Variants in CNTNAP2 observed in about 807,000 individuals in gnomAD.
CNTNAP2 encodes contactin associated protein 2, also known as contactin-associated protein-like 2.
In CNTNAP2, 98 loss-of-function variants were observed where a neutral mutation model predicts 155.2. The ratio of observed to expected loss-of-function variants is 0.63; its 90% CI spans 0.54 to 0.75. The LOEUF is 0.75. Among genes scored for constraint, CNTNAP2 ranks in the 30% least tolerant of loss-of-function variants. The probability of loss-of-function intolerance (pLI) is 0.00; values close to 1 mark genes in which losing one functional copy is unlikely to be tolerated. For synonymous variants in CNTNAP2, 651 were observed against 631.2 expected (o/e 1.03, Z -0.47); for missense variants, 1,727 against 1,688.1 (o/e 1.02, Z -0.40).
chr7:147,842,367 G>A (rs969399923), intron 13 of CNTNAP2, among the ~76,000 whole-genome samples: 14 of 152,256 alleles, frequency 9.2e-5, no homozygotes, highest in Admixed American at 6.5e-4. Flanking sequence ...AGCCAGTTCT[G>A]TGAATCACAG....
Position 146,613,930 on chromosome 7 carries a change from G to T in CNTNAP2, c.98-160341G>T, listed in dbSNP as rs193173238. Among the ~76,000 whole-genome samples the T allele has an allele frequency of 3.3e-5, 5 of 152,228 alleles. No homozygotes were observed. In the East Asian group the frequency reaches 9.6e-4, roughly 29 times the overall value. ...AGTGAATATATCCTTGAAATATTTA[G>T]CAGTAAATAAAAATAAGTAATTTAT... On this transcript the variant is annotated intron_variant, in intron 1 of 23. Transcript: ENST00000361727.
chr7:147,669,832 C>G (rs780822019), intron 13 of CNTNAP2, among the ~76,000 whole-genome samples: 1 of 152,194 alleles, frequency 6.6e-6, no homozygotes, highest in Admixed American at 6.5e-5. Flanking sequence ...TGGACTCCCC[C>G]CTAATATTTA....
At chr7:147,903,847 C>A in intron 14 of CNTNAP2, 126 bp downstream of exon 14, 2 of 1,191,564 alleles carry the variant, frequency 1.7e-6, no homozygotes, top group Non-Finnish European at 2.4e-6. Flanking sequence ...AGGTCTGGAA[C>A]TAACCCAACT....
chr7:146,330,848 G>A (rs1052415792), intron 1 of CNTNAP2, among the ~76,000 whole-genome samples: 3 of 152,078 alleles, frequency 2.0e-5, no homozygotes, highest in African/African-American at 7.2e-5. Context: ...TTACATGTCC[G>A]GGCCAGTACA....
chr7:146,443,420 T>C (rs1302957504), intron 1 of CNTNAP2, among the ~76,000 whole-genome samples: 1 of 151,932 alleles, frequency 6.6e-6, no homozygotes, highest in Non-Finnish European at 1.5e-5. Context: ...ACCCCTTTCA[T>C]TCATACCACT....
At chr7:146,860,850 A>G (rs1170104998) in intron 3 of CNTNAP2, among the ~76,000 whole-genome samples, 1 of 152,102 alleles carries the variant, frequency 6.6e-6, no homozygotes, top group African/African-American at 2.4e-5. Flanking sequence ...GAATAATAAT[A>G]ACCTCCTTTG....
At position 147,775,376 on chromosome 7, in the gene CNTNAP2, T is replaced by C. The variant is rs1450130113; in HGVS notation, c.2099-128189T>C. On this transcript the variant is annotated intron_variant, in intron 13 of 23. Coordinates refer to ENST00000361727, the MANE Select transcript of CNTNAP2 (RefSeq NM_014141.6). ...ATATATATTTATAAATATATATATA[T>C]TTATATATATTTATAAATATATATA... Among the ~76,000 whole-genome samples, 45 of 91,988 alleles carry C rather than the reference T, an allele frequency of 4.9e-4. 5 individuals are homozygous for C. In the East Asian group the frequency reaches 5.1e-3, roughly 10 times the overall value. The allele number at this position is 91,988 out of a possible 152,430, so 60.3% of individuals were successfully genotyped here.
intron 10 of CNTNAP2, among the ~76,000 whole-genome samples, chr7:147,433,409 G>A (rs1033448258): frequency 2.0e-5 from 3 of 152,134 alleles, no homozygotes; most frequent in East Asian, 1.9e-4. Context: ...AGTTCATTTG[G>A]TCACAGCGTG....
intron 1 of CNTNAP2, among the ~76,000 whole-genome samples, chr7:146,248,175 C>T (rs1275566093): frequency 3.3e-5 from 5 of 151,502 alleles, no homozygotes; most frequent in Non-Finnish European, 5.9e-5. Context: ...GGTCCGGGTG[C>T]GGAAATAAGG....
intron 8 of CNTNAP2, among the ~76,000 whole-genome samples, chr7:147,238,237 C>G (rs757636903): frequency 2.0e-5 from 3 of 152,042 alleles, no homozygotes; most frequent in Non-Finnish European, 4.4e-5. Context: ...GGATGGTCTC[C>G]ATCTCCTGAC....
At chr7:147,451,178 T>C (rs1359097584) in intron 10 of CNTNAP2, among the ~76,000 whole-genome samples, 1 of 152,166 alleles carries the variant, frequency 6.6e-6, no homozygotes, top group East Asian at 1.9e-4. Flanking sequence ...CCTTACATGA[T>C]TGCAGAACAC....
rs191888955 is a variant in CNTNAP2 at position 148,157,098 on chromosome 7, C to A, written c.2773+9389C>A. Among the ~76,000 whole-genome samples the A allele has an allele frequency of 1.2e-4, 19 of 152,316 alleles. No individual in the cohort carries two copies. In the East Asian group the frequency reaches 3.5e-3, roughly 28 times the overall value. On this transcript the variant is annotated intron_variant, in intron 17 of 23. Transcript: ENST00000361727. ...TGCCACACACTGAGTAACATCCTTGCCATTTACATAGGGTGCATACTGAGT... is the reference window on the plus strand; with the variant it reads ...TGCCACACACTGAGTAACATCCTTGACATTTACATAGGGTGCATACTGAGT...
At chr7:147,382,674 A>T (rs969951975) in intron 9 of CNTNAP2, among the ~76,000 whole-genome samples, 4 of 152,086 alleles carry the variant, frequency 2.6e-5, no homozygotes, top group Non-Finnish European at 5.9e-5. Flanking sequence ...AGTTGAAGCA[A>T]TGGCTTTGGA....
At chr7:147,700,073 T>G (rs561428884) in intron 13 of CNTNAP2, among the ~76,000 whole-genome samples, 35 of 152,324 alleles carry the variant, frequency 2.3e-4, no homozygotes, top group African/African-American at 7.0e-4. Context: ...TTCATAGCCT[T>G]TCTTTGCTTT....
chr7:146,644,231 C>T (rs1232395411), intron 1 of CNTNAP2, among the ~76,000 whole-genome samples: 1 of 152,116 alleles, frequency 6.6e-6, no homozygotes. Context: ...CTGTCTTGTG[C>T]CCGTTTTCAA....
intron 1 of CNTNAP2, among the ~76,000 whole-genome samples, chr7:146,186,803 T>C (rs901528472): frequency 2.0e-5 from 3 of 152,196 alleles, no homozygotes; most frequent in Non-Finnish European, 2.9e-5. Flanking sequence ...TCCTTTATTT[T>C]TGGAACCAAT....
At position 147,509,377 on chromosome 7, in the gene CNTNAP2, A is replaced by G. The variant is rs189848438; in HGVS notation, c.1777+23336A>G. ...ACAGGACTGATGCAATAGTTATTCAACAAATGCTTGTCATATAATGAATGG... is the reference window on the plus strand; with the variant it reads ...ACAGGACTGATGCAATAGTTATTCAGCAAATGCTTGTCATATAATGAATGG... On this transcript the variant is annotated intron_variant, in intron 11 of 23. Transcript: ENST00000361727. Among the ~76,000 whole-genome samples the G allele has an allele frequency of 1.7e-4, 26 of 152,352 alleles. No homozygotes were observed. In the East Asian group the frequency reaches 4.6e-3, roughly 27 times the overall value.
chr7:147,901,138 C>T (rs1799861261), intron 13 of CNTNAP2, among the ~76,000 whole-genome samples: 1 of 152,184 alleles, frequency 6.6e-6, no homozygotes, highest in South Asian at 2.1e-4. Flanking sequence ...GCTATAACTC[C>T]TGAACCTTTT....
At chr7:146,556,724 G>A in intron 1 of CNTNAP2, among the ~76,000 whole-genome samples, 1 of 152,108 alleles carries the variant, frequency 6.6e-6, no homozygotes, top group East Asian at 1.9e-4. Context: ...GGCTGCCATG[G>A]TTTATTTAGG....
Sources: gnomAD v4.1 joint callset for allele counts (sites outside exome capture counted in the v4.1 genomes callset) on GRCh38, gnomAD v4.1.1 for gene constraint, MANE v1.5 for transcripts, NCBI Gene and HGNC (gene_info 2026-07-23, HGNC 2026-07-21) for gene names.